Variants in RABEP1 observed in about 807,000 individuals in gnomAD.
The protein encoded by RABEP1 is rabaptin, RAB GTPase binding effector protein 1.
A neutral mutation model predicts 123.4 loss-of-function variants in RABEP1; 51 were observed. The observed-to-expected ratio is 0.41, with a 90% confidence interval of 0.33 to 0.52. The LOEUF (loss-of-function observed/expected upper bound fraction) is 0.52. Ranked by LOEUF, RABEP1 falls within the 20% of genes least tolerant of loss-of-function variation. RABEP1 has a pLI of 0.16. For synonymous variants in RABEP1, 347 were observed against 355.2 expected (o/e 0.98, Z 0.26); for missense variants, 888 against 996.3 (o/e 0.89, Z 1.46).
At chr17:5,347,416 AAC>A (rs1319624248) in intron 6 of RABEP1, among the ~76,000 whole-genome samples, 1 of 40,142 alleles carries the variant, frequency 2.5e-5, no homozygotes, top group Non-Finnish European at 4.3e-5. Context: ...TCTCAAAACA[AAC>A]AAACAAACAA....
chr17:5,346,952 T>G (rs746383225), intron 6 of RABEP1, 27 bp downstream of exon 6: 2 of 1,528,564 alleles, frequency 1.3e-6, no homozygotes, highest in East Asian at 4.6e-5. Flanking sequence ...TTTTTATCTT[T>G]GTCTCTAAGA....
At chr17:5,318,059 GTCTTT>G (rs1597349855) in intron 2 of RABEP1, among the ~76,000 whole-genome samples, 1 of 152,148 alleles carries the variant, frequency 6.6e-6, no homozygotes, top group African/African-American at 2.4e-5. Context: ...CTTTGTAATA[GTCTTT>G]ATAATAAACT....
intron 7 of RABEP1, 89 bp from the exon 8 acceptor site, chr17:5,354,270 G>A (rs1908820877): frequency 7.9e-7 from 1 of 1,269,286 alleles, no homozygotes; most frequent in Non-Finnish European, 1.1e-6. Context: ...ATAACGCTCT[G>A]TTCTTTATTT....
chr17:5,323,799 AAT>A lies in RABEP1; in HGVS notation c.164-8137_164-8136del, dbSNP rs1190446236. ...CTAGGAATATATATATATATCTAGGAATATATATATATATCTAGGAATATATA... is the reference window on the plus strand; with the variant it reads ...CTAGGAATATATATATATATCTAGGAATATATATATATCTAGGAATATATA... On this transcript the variant is annotated intron_variant, in intron 2 of 17. Coordinates refer to ENST00000537505, the MANE Select transcript of RABEP1 (RefSeq NM_004703.6). 4.1e-3 allele frequency among the ~76,000 whole-genome samples: 427 copies of A among 104,452 alleles called. 93 individuals carry two copies. The highest frequency in any genetic ancestry group is 0.018 in the African/African-American group (382 of 20,704). The allele number at this position is 104,452 out of a possible 152,430, so 68.5% of individuals were successfully genotyped here. A position where few individuals can be genotyped will look rare whatever the true frequency, so the allele number is the denominator to read the frequency against.
At chr17:5,283,402 C>T (rs1427915426) in intron 1 of RABEP1, among the ~76,000 whole-genome samples, 2 of 152,070 alleles carry the variant, frequency 1.3e-5, no homozygotes, top group African/African-American at 4.8e-5. Context: ...TGTCAGAGCC[C>T]TTCGTGACCT....
In RABEP1 at chr17:5,382,059, GT is replaced by G. The variant is rs200765647; in HGVS notation, c.2487+561del. Among the ~76,000 whole-genome samples, 1,079 of 149,412 alleles carry G rather than the reference GT, an allele frequency of 7.2e-3. 11 individuals carry two copies. The highest frequency in any genetic ancestry group is 0.025 in the African/African-American group (1,017 of 40,616). On this transcript the variant is annotated intron_variant, in intron 17 of 17. Coordinates refer to ENST00000537505, the MANE Select transcript of RABEP1 (RefSeq NM_004703.6). ...ATTTAGAATATTGTGCTAAAACTAA[GT>G]TTTTTTCCCAATGGAACTTCGGATT...
chr17:5,375,462 C>G (rs1420952377), intron 13 of RABEP1, among the ~76,000 whole-genome samples: 1 of 152,066 alleles, frequency 6.6e-6, no homozygotes, highest in East Asian at 1.9e-4. Context: ...GAGGCCAAGG[C>G]AGGCAGATTG....
rs566201405 is a variant in RABEP1 at position 5,299,277 on chromosome 17, T to C, written c.35-9417T>C. On this transcript the variant is annotated intron_variant, in intron 1 of 17. Coordinates refer to ENST00000537505, the MANE Select transcript of RABEP1 (RefSeq NM_004703.6). Reference sequence around the variant, plus strand: ...TTCCAGGCTTATCTTGTACACTTCCTGCCCTGGACCTGGAATTGGTCCTTT... The same window carrying C: ...TTCCAGGCTTATCTTGTACACTTCCCGCCCTGGACCTGGAATTGGTCCTTT... 1.2e-4 allele frequency among the ~76,000 whole-genome samples: 19 copies of C among 152,220 alleles called. No homozygotes were observed. In the South Asian group the frequency reaches 3.5e-3, roughly 28 times the overall value.
chr17:5,298,436 C>CTGT (rs2075102933), intron 1 of RABEP1, among the ~76,000 whole-genome samples: 1 of 152,090 alleles, frequency 6.6e-6, no homozygotes. Context: ...AAACCAATTA[C>CTGT]TGTTTATATT....
chr17:5,346,606 ATTAAG>A (rs1908085993), intron 5 of RABEP1, among the ~76,000 whole-genome samples, 179 bp from the exon 6 acceptor site: 2 of 152,234 alleles, frequency 1.3e-5, no homozygotes, highest in African/African-American at 4.8e-5. Context: ...GATAACATCT[ATTAAG>A]TTATTTTCCC....
intron 2 of RABEP1, among the ~76,000 whole-genome samples, chr17:5,323,912 A>C (rs1464285286): frequency 1.4e-5 from 2 of 143,494 alleles, no homozygotes; most frequent in Non-Finnish European, 3.0e-5. Context: ...AAGATCTGTA[A>C]AACACCAATG....
chr17:5,350,323 T>A (rs1180357588), intron 6 of RABEP1, 128 bp from the exon 7 acceptor site: 1 of 968,592 alleles, frequency 1.0e-6, no homozygotes, highest in African/African-American at 1.7e-5. Flanking sequence ...GAGCTTGCAG[T>A]GAGCCAAGAT....
rs1911937301 is a variant in RABEP1, at chr17:5,386,091, AC to A, written c.*2869del. ...AACAACATATTTAAAAAGATGAACC[AC>A]ACCAAAGGTCATCAAAACACCTTTT... On this transcript the variant is annotated 3_prime_UTR_variant, in exon 18 of 18. Coordinates refer to ENST00000537505, the MANE Select transcript of RABEP1 (RefSeq NM_004703.6). 1.4e-6 allele frequency: 1 copy of A among 702,018 alleles called. No individual in the cohort carries two copies. Among genetic ancestry groups the A allele is most frequent in the Non-Finnish European group, 2.4e-6 (1 of 418,414 alleles). 43.5% of individuals were successfully genotyped at this position (702,018 alleles called of 1,614,324 possible).
intron 1 of RABEP1, among the ~76,000 whole-genome samples, chr17:5,294,457 A>G (rs72634018): frequency 0.13 from 19,079 of 151,890 alleles, 1,947 homozygotes; most frequent in East Asian, 0.48. Flanking sequence ...TAGTATTTAC[A>G]TTGTATTAGG....
intron 12 of RABEP1, among the ~76,000 whole-genome samples, chr17:5,369,612 G>A (rs1306304143): frequency 6.6e-6 from 1 of 152,004 alleles, no homozygotes; most frequent in African/African-American, 2.4e-5. Context: ...TATAACACTG[G>A]CGTAAAAATC....
chr17:5,308,228 CTTT>C (rs34390571), intron 1 of RABEP1, among the ~76,000 whole-genome samples: 1 of 140,192 alleles, frequency 7.1e-6, no homozygotes, highest in Admixed American at 7.1e-5. Context: ...ATACAAGGAT[CTTT>C]TTTTTTTTTT....
rs1239708516 is a variant in RABEP1 at position 5,361,610 on chromosome 17, G to T, written c.1498G>T (p.Ala500Ser). ...LSSVTQGMESAYVSPSGYRLV... is the reference protein window; with the variant it reads ...LSSVTQGMESSYVSPSGYRLV... ...CAGCGTTACCCAGGGCATGGAGAGT[G>T]CCTATGTGTCCCCTAGTGGTTATCG... Residue 500 changes from alanine (A) to serine (S), a missense_variant, in exon 9 of 18, where the codon GCC becomes TCC. Physicochemically the swap from Ala to Ser is moderately conservative, Grantham distance 99. Coordinates refer to ENST00000537505, the MANE Select transcript of RABEP1 (RefSeq NM_004703.6). 1.2e-6 allele frequency: 2 copies of T among 1,614,162 alleles called. No individual in the cohort carries two copies. Among genetic ancestry groups the T allele is most frequent in the Admixed American group, 3.3e-5 (2 of 60,012 alleles).
intron 4 of RABEP1, 53 bp downstream of exon 4, chr17:5,335,397 C>A: frequency 6.9e-7 from 1 of 1,453,550 alleles, no homozygotes; most frequent in South Asian, 1.2e-5. Flanking sequence ...ATGCAAAATG[C>A]TTTAATATTG....
chr17:5,291,722 C>T (rs946883738), intron 1 of RABEP1, among the ~76,000 whole-genome samples: 1 of 152,122 alleles, frequency 6.6e-6, no homozygotes, highest in Non-Finnish European at 1.5e-5. Flanking sequence ...GCCTGGCCAA[C>T]ATGGCGAAAT....
Sources: gnomAD v4.1 joint callset for allele counts (sites outside exome capture counted in the v4.1 genomes callset) on GRCh38, gnomAD v4.1.1 for gene constraint, MANE v1.5 for transcripts, NCBI Gene and HGNC (gene_info 2026-07-23, HGNC 2026-07-21) for gene names.